Variants in CALN1 observed in about 807,000 individuals in gnomAD.
CALN1 encodes the protein calcium-binding protein 8.
In CALN1, 17 loss-of-function variants were observed where a neutral mutation model predicts 30.6. The observed-to-expected ratio is 0.56, with a 90% CI of 0.38 to 0.83. CALN1 has a LOEUF of 0.83. CALN1 is among the 40% of genes least tolerant of loss of function. The probability of loss-of-function intolerance (pLI) is 0.00; values close to 1 mark genes in which losing one functional copy is unlikely to be tolerated. For missense variants in CALN1, 291 were observed against 354.9 expected (o/e 0.82, Z 1.45); for synonymous variants, 156 against 131.4 (o/e 1.19, Z -1.28).
At chr7:72,330,329 G>A (rs950831809) in intron 2 of CALN1, among the ~76,000 whole-genome samples, 15 of 151,856 alleles carry the variant, frequency 9.9e-5, no homozygotes, top group African/African-American at 3.6e-4. Flanking sequence ...TTAGCTGGGT[G>A]TGGTGGTGTA....
intron 3 of CALN1, among the ~76,000 whole-genome samples, chr7:72,227,252 G>T (rs938770071): frequency 1.4e-5 from 2 of 139,156 alleles, no homozygotes; most frequent in Non-Finnish European, 3.1e-5. Flanking sequence ...AAAAAAAAAA[G>T]AGGGCAGCCG....
chr7:72,401,614 G>C (rs919923945), intron 2 of CALN1, among the ~76,000 whole-genome samples: 6 of 152,088 alleles, frequency 3.9e-5, no homozygotes, highest in Non-Finnish European at 8.8e-5. Flanking sequence ...TGATTCCTTG[G>C]GTCATCACTG....
chr7:72,468,311 T>G, the CALN1 span, among the ~76,000 whole-genome samples: 1 of 152,288 alleles, frequency 6.6e-6, no homozygotes, highest in Non-Finnish European at 1.5e-5. Flanking sequence ...CAACTGCTTT[T>G]TTTTGTTTTG....
chr7:72,133,913 G>T (rs1169598486), intron 3 of CALN1, among the ~76,000 whole-genome samples: 1 of 152,218 alleles, frequency 6.6e-6, no homozygotes, highest in African/African-American at 2.4e-5. Flanking sequence ...TCCAAGTGGT[G>T]AAAGTGAAAA....
chr7:72,501,761 T>C, the CALN1 span, among the ~76,000 whole-genome samples: 1 of 149,894 alleles, frequency 6.7e-6, no homozygotes, highest in Non-Finnish European at 1.5e-5. Flanking sequence ...ATATAAAAAT[T>C]AGCTGGGCGT....
intron 4 of CALN1, among the ~76,000 whole-genome samples, chr7:72,101,989 G>A (rs1009310885): frequency 6.6e-6 from 1 of 152,120 alleles, no homozygotes; most frequent in East Asian, 1.9e-4. Context: ...TTTTAGACTA[G>A]GGAAGAAACT....
At chr7:72,097,214 C>T (rs9691229) in intron 4 of CALN1, among the ~76,000 whole-genome samples, 2,937 of 152,104 alleles carry the variant, frequency 0.019, 92 homozygotes, top group African/African-American at 0.067. Flanking sequence ...ATGTAAATGA[C>T]GAATTAATAG....
chr7:72,082,111 C>T (rs978024336), intron 4 of CALN1, among the ~76,000 whole-genome samples: 12 of 151,998 alleles, frequency 7.9e-5, no homozygotes, highest in African/African-American at 2.2e-4. Flanking sequence ...CTCAGCCTCC[C>T]GAGTAGCTGG....
At chr7:71,902,967 T>G (rs1168301077) in intron 5 of CALN1, among the ~76,000 whole-genome samples, 1 of 151,810 alleles carries the variant, frequency 6.6e-6, no homozygotes, top group Non-Finnish European at 1.5e-5. Context: ...CATTGGAAGC[T>G]TGGAAGGGTA....
chr7:72,347,153 A>T (rs909086621), intron 2 of CALN1, among the ~76,000 whole-genome samples: 1 of 152,226 alleles, frequency 6.6e-6, no homozygotes, highest in Non-Finnish European at 1.5e-5. Context: ...GAAGTCCTAT[A>T]AACTCCGAAT....
At chr7:72,141,097 CCT>C (rs1200910885) in intron 3 of CALN1, among the ~76,000 whole-genome samples, 6 of 152,198 alleles carry the variant, frequency 3.9e-5, no homozygotes, top group African/African-American at 1.4e-4. Context: ...CTGGCTCCAG[CCT>C]CTCTGCGTCC....
chr7:72,455,060 A>G, the CALN1 span, among the ~76,000 whole-genome samples: 5 of 151,750 alleles, frequency 3.3e-5, no homozygotes, highest in Non-Finnish European at 7.4e-5. Context: ...CAAATTCCCT[A>G]CCTCAGATTA....
intron 6 of CALN1, among the ~76,000 whole-genome samples, chr7:71,802,980 C>T (rs902979068): frequency 6.6e-5 from 10 of 151,858 alleles, no homozygotes; most frequent in East Asian, 3.9e-4. Context: ...GCTGAGATCG[C>T]GCCACTGCAC....
chr7:72,390,083 G>A (rs954936030), intron 2 of CALN1, among the ~76,000 whole-genome samples: 3 of 152,048 alleles, frequency 2.0e-5, no homozygotes, highest in African/African-American at 7.3e-5. Flanking sequence ...CTAAGGAGGG[G>A]TAGGACCTTT....
Position 71,899,387 on chromosome 7 carries a change from C to T in CALN1, c.502-88895G>A, listed in dbSNP as rs575059241. 2.4e-4 allele frequency among the ~76,000 whole-genome samples: 37 copies of T among 152,174 alleles called. No homozygotes were observed. In the South Asian group the frequency reaches 7.5e-3, roughly 31 times the overall value. ...CGAACTGCCGACCTCAGGTGATATG[C>T]CCACCTTGGCCTCCCAAAGTGCTGG... On this transcript the variant is annotated intron_variant, in intron 5 of 6. Transcript: ENST00000395275.
chr7:71,801,612 C>T (rs1472915477), intron 6 of CALN1, among the ~76,000 whole-genome samples: 2 of 151,974 alleles, frequency 1.3e-5, no homozygotes, highest in African/African-American at 4.8e-5. Flanking sequence ...TCTCTCAGGG[C>T]CATGCAGAGG....
intron 5 of CALN1, among the ~76,000 whole-genome samples, chr7:71,842,361 A>C (rs917234013): frequency 2.0e-5 from 3 of 152,176 alleles, no homozygotes; most frequent in Non-Finnish European, 4.4e-5. Context: ...GCTCCTCCCA[A>C]ATTTCTCCCT....
chr7:71,999,767 C>A lies in CALN1; in HGVS notation c.501+23890G>T, dbSNP rs189649187. ...ACCTCAAGTGATCCACCAGCCTCAGCCTCCCAAAGTGCTGAGATTACAGGC... is the reference window on the plus strand; with the variant it reads ...ACCTCAAGTGATCCACCAGCCTCAGACTCCCAAAGTGCTGAGATTACAGGC... On this transcript the variant is annotated intron_variant, in intron 5 of 6. Transcript: ENST00000395275. Among the ~76,000 whole-genome samples, 15 of 152,236 alleles carry A rather than the reference C, an allele frequency of 9.9e-5. No individual in the cohort carries two copies. In the East Asian group the frequency reaches 2.3e-3, roughly 23 times the overall value.
At chr7:72,221,858 C>T (rs142592702) in intron 3 of CALN1, among the ~76,000 whole-genome samples, 3 of 151,292 alleles carry the variant, frequency 2.0e-5, no homozygotes, top group South Asian at 2.1e-4. Flanking sequence ...CACTGCACTC[C>T]AGCCTGGGTG....
Sources: allele counts gnomAD v4.1 joint callset (sites outside exome capture counted in the v4.1 genomes callset), GRCh38; gene constraint gnomAD v4.1.1; transcripts MANE v1.5; gene names NCBI Gene and HGNC (gene_info 2026-07-23, HGNC 2026-07-21).